DUSP14: variants seen among roughly 807,000 people sequenced by gnomAD.
DUSP14 encodes the protein dual specificity phosphatase 14.
Under a neutral mutation model 13.2 loss-of-function variants are expected in DUSP14, and 5 were observed. The ratio of observed to expected loss-of-function variants is 0.38; its 90% CI spans 0.20 to 0.80. DUSP14 has a LOEUF of 0.80. Among genes scored for constraint, DUSP14 ranks in the 30% least tolerant of loss-of-function variants. The probability of loss-of-function intolerance (pLI) is 0.44; values close to 1 mark genes in which losing one functional copy is unlikely to be tolerated. For missense variants in DUSP14, 185 were observed against 264.0 expected (o/e 0.70, Z 2.07); for synonymous variants, 91 against 103.4 (o/e 0.88, Z 0.73).
rs2054196797 is a variant in DUSP14 at position 37,512,548 on chromosome 17, C to T, written c.276C>T (p.Thr92=). 20 of 1,614,196 alleles carry T rather than the reference C, an allele frequency of 1.2e-5. No individual in the cohort carries two copies. The highest frequency in any genetic ancestry group is 2.2e-5 in the South Asian group (2 of 91,082). The change falls in exon 3 of 3, where the codon ACC becomes ACT. Residue 92 remains threonine (T), a synonymous_variant. Coordinates refer to ENST00000617516, the MANE Select transcript of DUSP14 (RefSeq NM_007026.4). The surrounding 1 kb of genome is among the most constrained non-coding windows in gnomAD (Gnocchi z 4.8). The stretch of plus-strand genomic sequence containing the variant: ...CCCCCATTGGACTGTACTTTGACAC[C>T]GTGGCTGACAAGATCCACAGTGTGA... The part of the protein sequence containing the change: ...PHAPIGLYFD[T]VADKIHSVSR...
chr17:37,495,057 AAGTCGTT>A (rs1226910521), intron 1 of DUSP14, among the ~76,000 whole-genome samples: 1 of 152,180 alleles, frequency 6.6e-6, no homozygotes, highest in Non-Finnish European at 1.5e-5. Flanking sequence ...GAGGAGTAAG[AAGTCGTT>A]AGTATGAGAA....
chr17:37,511,141 C>T (rs2054182048), intron 2 of DUSP14, among the ~76,000 whole-genome samples: 1 of 152,034 alleles, frequency 6.6e-6, no homozygotes. Context: ...TTTAGCCACA[C>T]CCAAGGTCAG....
chr17:37,511,928 C>A (rs1401224496), intron 2 of DUSP14, among the ~76,000 whole-genome samples: 534 of 50,936 alleles, frequency 0.01, 19 homozygotes, highest in African/African-American at 0.035. Flanking sequence ...GCCACCCCCC[C>A]CCCACCCCAC....
intron 1 of DUSP14, among the ~76,000 whole-genome samples, chr17:37,501,035 C>A (rs2054101834): frequency 6.6e-6 from 1 of 151,328 alleles, no homozygotes; most frequent in Non-Finnish European, 1.5e-5. Flanking sequence ...ATAGACAACT[C>A]ATGGAAGGAC....
intron 1 of DUSP14, among the ~76,000 whole-genome samples, chr17:37,509,117 A>ATGTATATATATATATATATATATATG (rs1315485762): frequency 2.4e-5 from 1 of 40,832 alleles, no homozygotes; most frequent in Non-Finnish European, 4.2e-5. Flanking sequence ...ATATATATAT[A>ATGTATATATATATATATATATATATG]TATATATATA....
At chr17:37,509,620 C>A (rs1005928654) in intron 1 of DUSP14, among the ~76,000 whole-genome samples, 3 of 151,810 alleles carry the variant, frequency 2.0e-5, no homozygotes, top group Non-Finnish European at 4.4e-5. Flanking sequence ...CCACGCTTGG[C>A]CTATATATAT....
chr17:37,505,485 C>G (rs2054132017), intron 1 of DUSP14, among the ~76,000 whole-genome samples: 1 of 152,050 alleles, frequency 6.6e-6, no homozygotes, highest in Admixed American at 6.6e-5. Context: ...CTCTGGCCCT[C>G]TGAAATTCCT....
intron 1 of DUSP14, among the ~76,000 whole-genome samples, chr17:37,501,571 A>G (rs1234276830): frequency 3.3e-5 from 5 of 151,980 alleles, no homozygotes; most frequent in Non-Finnish European, 1.5e-5. Flanking sequence ...GCTGGAGTGC[A>G]ATGGAGCAAT....
chr17:37,488,776 G>A (rs539638399), upstream of DUSP14, among the ~76,000 whole-genome samples: 10 of 152,354 alleles, frequency 6.6e-5, no homozygotes, highest in East Asian at 1.2e-3. Context: ...GTTGGGCAGT[G>A]GAGATCGGGA....
At chr17:37,492,532 C>CT (rs2143042390) in intron 1 of DUSP14, among the ~76,000 whole-genome samples, 1 of 152,270 alleles carries the variant, frequency 6.6e-6, no homozygotes, top group South Asian at 2.1e-4. Flanking sequence ...TTACCGAGGA[C>CT]TTTTACCATG....
intron 1 of DUSP14, among the ~76,000 whole-genome samples, chr17:37,504,955 G>C (rs941011572): frequency 1.3e-5 from 2 of 151,726 alleles, no homozygotes; most frequent in African/African-American, 4.8e-5. Context: ...GCAATGGCAC[G>C]ATCTTGGCTC....
At chr17:37,492,047 A>G (rs1023518832) in intron 1 of DUSP14, among the ~76,000 whole-genome samples, 1 of 152,348 alleles carries the variant, frequency 6.6e-6, no homozygotes, top group Non-Finnish European at 1.5e-5. Flanking sequence ...TGTCCTGTTT[A>G]TAAAGATTTG....
At chr17:37,502,240 G>A (rs1319283450) in intron 1 of DUSP14, among the ~76,000 whole-genome samples, 1 of 151,868 alleles carries the variant, frequency 6.6e-6, no homozygotes, top group African/African-American at 2.4e-5. Context: ...GGAGTGCAGT[G>A]GTGCAATCAC....
chr17:37,490,525 T>G (rs1469820757), intron 1 of DUSP14, among the ~76,000 whole-genome samples: 1 of 152,056 alleles, frequency 6.6e-6, no homozygotes, highest in Admixed American at 6.5e-5. Context: ...CGGAGCGAAG[T>G]TGAGTTGTTG....
At chr17:37,493,817 C>A (rs1272346301) in intron 1 of DUSP14, among the ~76,000 whole-genome samples, 1 of 151,792 alleles carries the variant, frequency 6.6e-6, no homozygotes, top group Non-Finnish European at 1.5e-5. Context: ...TCCATTGTGC[C>A]CAGCCCTAAA....
At chr17:37,488,884 C>T (rs569952053), upstream of DUSP14, among the ~76,000 whole-genome samples, 1 of 152,306 alleles carries the variant, frequency 6.6e-6, no homozygotes, top group East Asian at 1.9e-4. Flanking sequence ...TCCCCGCAAA[C>T]CCATGCCTAC....
chr17:37,511,603 T>TTTTTTTTTTTA (rs1232617543), intron 2 of DUSP14, among the ~76,000 whole-genome samples: 3 of 142,352 alleles, frequency 2.1e-5, no homozygotes, highest in East Asian at 2.0e-4. Context: ...TTTTTTTTTT[T>TTTTTTTTTTTA]AGAAGCTGGG....
chr17:37,491,574 G>A (rs2054028829), intron 1 of DUSP14: 1 of 152,180 alleles, frequency 6.6e-6, no homozygotes, highest in African/African-American at 2.4e-5. Context: ...TGTCACTGTT[G>A]AACGTGTGTG....
At chr17:37,497,531 G>A (rs928863300) in intron 1 of DUSP14, among the ~76,000 whole-genome samples, 2 of 152,088 alleles carry the variant, frequency 1.3e-5, no homozygotes, top group Non-Finnish European at 2.9e-5. Flanking sequence ...GGAGGCCTAG[G>A]GAGGTGGATG....
Sources: allele counts gnomAD v4.1 joint callset (sites outside exome capture counted in the v4.1 genomes callset), GRCh38; gene constraint gnomAD v4.1.1; non-coding constraint Gnocchi (gnomAD v3.1); transcripts MANE v1.5; gene names NCBI Gene and HGNC (gene_info 2026-07-23, HGNC 2026-07-21).